Variants in ARNT2 observed in about 807,000 individuals in gnomAD.
ARNT2 encodes ARNT protein 2.
A neutral mutation model predicts 91.7 loss-of-function variants in ARNT2; 36 were observed. The observed-to-expected ratio is 0.39, with a 90% confidence interval of 0.30 to 0.52. The LOEUF is 0.52. Among genes scored for constraint, ARNT2 ranks in the 20% least tolerant of loss-of-function variants. The probability of loss-of-function intolerance (pLI) is 0.72; values close to 1 mark genes in which losing one functional copy is unlikely to be tolerated. For missense variants in ARNT2, 775 were observed against 939.3 expected, an observed-to-expected ratio of 0.83 and a Z score of 2.29; for synonymous variants, 365 against 347.1, an observed-to-expected ratio of 1.05 and a Z score of -0.57.
chr15:80,419,199 G>T (rs1021426403), intron 1 of ARNT2, among the ~76,000 whole-genome samples: 4 of 152,180 alleles, frequency 2.6e-5, no homozygotes, highest in African/African-American at 4.8e-5. Context: ...TCTCAGTTTT[G>T]GAGTCAGTCG....
chr15:80,409,245 T>A (rs1186834573), intron 1 of ARNT2, among the ~76,000 whole-genome samples: 1 of 152,222 alleles, frequency 6.6e-6, no homozygotes, highest in Non-Finnish European at 1.5e-5. Flanking sequence ...TCCTCCCACT[T>A]CCGAATTCTT....
rs770603795 is a variant in ARNT2, at chr15:80,591,166, C to T, written c.1919-402C>T. Among the ~76,000 whole-genome samples, 5 of 152,206 alleles carry T rather than the reference C, an allele frequency of 3.3e-5. No homozygotes were observed. In the South Asian group the frequency reaches 1.0e-3, roughly 32 times the overall value. The stretch of plus-strand genomic sequence containing the variant: ...GTGTGTCTTCCTCCTCATGCCAACA[C>T]CATACTGCTGAGGACAGACCCTCTC... On this transcript the variant is annotated intron_variant, in intron 17 of 18. Coordinates refer to ENST00000303329, the MANE Select transcript of ARNT2 (RefSeq NM_014862.4). This position sits in a 1 kb window ranked among gnomAD's most constrained non-coding sequence, Gnocchi z 5.1.
chr15:80,441,930 G>A (rs755388794), intron 1 of ARNT2, among the ~76,000 whole-genome samples: 5 of 152,196 alleles, frequency 3.3e-5, no homozygotes, highest in Non-Finnish European at 7.3e-5. Context: ...TTTCCCCTCT[G>A]TGTGTAATGG....
At chr15:80,593,548 C>A in intron 18 of ARNT2, 52 bp from the exon 19 acceptor site, 2 of 1,434,816 alleles carry the variant, frequency 1.4e-6, no homozygotes, top group South Asian at 1.2e-5. Context: ...ATGCCCAGTG[C>A]ACGGACAGAG....
chr15:80,407,490 G>C (rs1895617515), intron 1 of ARNT2, among the ~76,000 whole-genome samples: 1 of 152,174 alleles, frequency 6.6e-6, no homozygotes, highest in African/African-American at 2.4e-5. Context: ...AAAGGATTGG[G>C]CTCCCAGATA....
In ARNT2 at chr15:80,546,473, G is replaced by A. The variant is rs1049979308; in HGVS notation, c.878-4726G>A. ...TAGCATGGAAGGAGAGAATGTAAAT[G>A]ATGTATGTCACTAGTGGTCTTTTCC... On this transcript the variant is annotated intron_variant, in intron 8 of 18. Coordinates refer to ENST00000303329, the MANE Select transcript of ARNT2 (RefSeq NM_014862.4). Among the ~76,000 whole-genome samples the A allele has an allele frequency of 3.3e-5, 5 of 152,332 alleles. No individual in the cohort carries two copies. In the South Asian group the frequency reaches 8.3e-4, roughly 25 times the overall value.
At chr15:80,574,267 A>G in intron 13 of ARNT2, 47 bp downstream of exon 13, 1 of 1,572,550 alleles carries the variant, frequency 6.4e-7, no homozygotes. Context: ...TCTCCAGCCC[A>G]ATGGACTTGG....
intron 5 of ARNT2, among the ~76,000 whole-genome samples, chr15:80,479,310 G>T (rs1348236960): frequency 6.6e-6 from 1 of 152,196 alleles, no homozygotes; most frequent in Non-Finnish European, 1.5e-5. Context: ...TTTCCTAGCT[G>T]GAGAGGTGGT....
rs139163216 is a variant in ARNT2, at chr15:80,438,883, G to A, written c.32-11997G>A. 4.6e-4 allele frequency among the ~76,000 whole-genome samples: 70 copies of A among 152,294 alleles called. No homozygotes were observed. In the East Asian group the frequency reaches 0.011, roughly 24 times the overall value. ...TTTTTGTATTTTTAGTAGATACGGG[G>A]TTTCACTGTGTTGGCCAGACTGGTC... On this transcript the variant is annotated intron_variant, in intron 1 of 18. Coordinates refer to ENST00000303329, the MANE Select transcript of ARNT2 (RefSeq NM_014862.4).
intron 12 of ARNT2, among the ~76,000 whole-genome samples, chr15:80,573,589 A>G (rs1898619756): frequency 6.6e-6 from 1 of 152,170 alleles, no homozygotes; most frequent in Non-Finnish European, 1.5e-5. Context: ...TTCTTCCCCA[A>G]ATGGAGCAGG....
At chr15:80,526,860 C>T (rs1897648030) in intron 8 of ARNT2, among the ~76,000 whole-genome samples, 1 of 152,206 alleles carries the variant, frequency 6.6e-6, no homozygotes, top group Admixed American at 6.5e-5. Context: ...TTGCAGTTTG[C>T]TTGTTGATCA....
chr15:80,596,022 T>TG lies in ARNT2; in HGVS notation c.*2326dup, dbSNP rs2141492853. On this transcript the variant is annotated 3_prime_UTR_variant, in exon 19 of 19. Coordinates refer to ENST00000303329, the MANE Select transcript of ARNT2 (RefSeq NM_014862.4). ...TGTTTGTTTTGCCTCTTCTGTTTCT[T>TG]GGAGGAGAGTTGAGGCTTTTCTTAG... is the stretch of plus-strand genomic sequence containing the variant. The TG allele has an allele frequency of 6.6e-6, 1 of 152,380 alleles. No homozygotes were observed. Among genetic ancestry groups the TG allele is most frequent in the Non-Finnish European group, 1.5e-5 (1 of 68,060 alleles). 9.4% of individuals were successfully genotyped at this position (152,380 alleles called of 1,614,324 possible).
chr15:80,577,600 T>C (rs1898700958), intron 15 of ARNT2, among the ~76,000 whole-genome samples: 1 of 152,208 alleles, frequency 6.6e-6, no homozygotes. Context: ...GGCACTCACC[T>C]GTGCCCACCA....
At chr15:80,588,751 G>A (rs973554584) in intron 17 of ARNT2, among the ~76,000 whole-genome samples, 4 of 152,020 alleles carry the variant, frequency 2.6e-5, no homozygotes, top group Non-Finnish European at 1.5e-5. Context: ...TCCCCTTCTG[G>A]TGTCATCTGA....
intron 5 of ARNT2, among the ~76,000 whole-genome samples, chr15:80,504,358 A>C (rs1897241775): frequency 1.3e-5 from 2 of 152,192 alleles, no homozygotes; most frequent in South Asian, 4.1e-4. Flanking sequence ...CTAGGATATA[A>C]TGGCCTTTGC....
chr15:80,587,969 C>G (rs201917656), intron 17 of ARNT2, among the ~76,000 whole-genome samples: 1 of 152,166 alleles, frequency 6.6e-6, no homozygotes, highest in African/African-American at 2.4e-5. Context: ...CTACATAGAC[C>G]GCGGTCAACC....
intron 8 of ARNT2, among the ~76,000 whole-genome samples, chr15:80,530,187 G>T (rs1897713336): frequency 6.6e-6 from 1 of 152,194 alleles, no homozygotes; most frequent in African/African-American, 2.4e-5. Context: ...GTTCCAGAAA[G>T]ATATTTCAGG....
At chr15:80,448,036 C>T (rs1184712149) in intron 1 of ARNT2, among the ~76,000 whole-genome samples, 2 of 152,174 alleles carry the variant, frequency 1.3e-5, no homozygotes, top group Admixed American at 1.3e-4. Context: ...TTACCATCAG[C>T]ATAATCATGA....
chr15:80,445,152 GTA>G (rs1030205577), intron 1 of ARNT2: 8 of 150,886 alleles, frequency 5.3e-5, no homozygotes, highest in Non-Finnish European at 8.9e-5. Context: ...TCACTGGTGT[GTA>G]TATGTGTTGA....
Sources: allele counts gnomAD v4.1 joint callset (sites outside exome capture counted in the v4.1 genomes callset), GRCh38; gene constraint gnomAD v4.1.1; non-coding constraint Gnocchi (gnomAD v3.1); transcripts MANE v1.5; gene names NCBI Gene and HGNC (gene_info 2026-07-23, HGNC 2026-07-21).